BICC1: variants seen among roughly 807,000 people sequenced by gnomAD.
BICC1 encodes the protein BicC family RNA binding protein 1, also known as protein bicaudal C homolog 1.
Under a neutral mutation model 111.0 loss-of-function variants are expected in BICC1, and 43 were observed. The observed-to-expected ratio is 0.39, with a 90% CI of 0.30 to 0.50. The LOEUF (loss-of-function observed/expected upper bound fraction) is 0.50, where lower values mean the gene tolerates loss of function less well. Ranked by LOEUF, BICC1 falls within the 20% of genes least tolerant of loss-of-function variation. The pLI is 0.88. For synonymous variants in BICC1, 467 were observed against 434.4 expected (o/e 1.07, Z -0.93); for missense variants, 1,091 against 1,203.2 (o/e 0.91, Z 1.38).
At chr10:58,670,039 A>G (rs946956214) in intron 2 of BICC1, among the ~76,000 whole-genome samples, 4 of 152,184 alleles carry the variant, frequency 2.6e-5, no homozygotes, top group African/African-American at 9.6e-5. Flanking sequence ...CAGCTTGGTT[A>G]AAGTTTTTTT....
chr10:58,559,109 C>T (rs1051151766), intron 1 of BICC1, among the ~76,000 whole-genome samples: 1 of 151,754 alleles, frequency 6.6e-6, no homozygotes, highest in Non-Finnish European at 1.5e-5. Flanking sequence ...AATAACCACC[C>T]CCCCAGGACT....
intron 5 of BICC1, among the ~76,000 whole-genome samples, chr10:58,787,321 A>T (rs1843039445): frequency 6.6e-6 from 1 of 152,168 alleles, no homozygotes; most frequent in South Asian, 2.1e-4. Context: ...ATAGCGGAAG[A>T]TGTAATGGCC....
chr10:58,561,621 C>T (rs924273500), intron 1 of BICC1, among the ~76,000 whole-genome samples: 7 of 151,896 alleles, frequency 4.6e-5, no homozygotes, highest in African/African-American at 1.7e-4. Context: ...TTTTGTGTAT[C>T]ATTTGTTCTT....
At chr10:58,715,008 G>T (rs565670535) in intron 3 of BICC1, among the ~76,000 whole-genome samples, 2 of 151,848 alleles carry the variant, frequency 1.3e-5, no homozygotes, top group South Asian at 4.2e-4. Context: ...CCGGGAGGTG[G>T]AGTGAGCCAA....
intron 1 of BICC1, among the ~76,000 whole-genome samples, chr10:58,592,709 C>G (rs1274820492): frequency 6.8e-6 from 1 of 146,976 alleles, no homozygotes; most frequent in South Asian, 2.2e-4. Flanking sequence ...AGTGAGACTC[C>G]GTGTGAAAAA....
intron 1 of BICC1, among the ~76,000 whole-genome samples, chr10:58,515,128 T>C (rs1842207541): frequency 6.6e-6 from 1 of 152,254 alleles, no homozygotes; most frequent in Non-Finnish European, 1.5e-5. Context: ...AGGAGACTTT[T>C]TGAAAATTTG....
chr10:58,632,472 G>A (rs544753709), intron 2 of BICC1, among the ~76,000 whole-genome samples: 2 of 152,172 alleles, frequency 1.3e-5, no homozygotes, highest in Admixed American at 6.5e-5. Context: ...CCAGTGTGGC[G>A]AGAGCTTTAC....
At chr10:58,773,381 CAG>C (rs1842669466) in intron 3 of BICC1, among the ~76,000 whole-genome samples, 1 of 152,152 alleles carries the variant, frequency 6.6e-6, no homozygotes, top group African/African-American at 2.4e-5. Flanking sequence ...TGGCAGAAAA[CAG>C]AGTTAACTCC....
At chr10:58,685,420 C>T (rs1030427382) in intron 2 of BICC1, among the ~76,000 whole-genome samples, 1 of 152,142 alleles carries the variant, frequency 6.6e-6, no homozygotes, top group African/African-American at 2.4e-5. Flanking sequence ...CCTGAATATC[C>T]TTGTTAACTT....
chr10:58,609,899 C>G (rs1053421239), intron 1 of BICC1, among the ~76,000 whole-genome samples: 1 of 152,116 alleles, frequency 6.6e-6, no homozygotes, highest in African/African-American at 2.4e-5. Flanking sequence ...CCAAAGTCTT[C>G]AAATAGTGTT....
chr10:58,792,453 G>A (rs1229621907), intron 8 of BICC1, among the ~76,000 whole-genome samples: 1 of 152,180 alleles, frequency 6.6e-6, no homozygotes, highest in East Asian at 1.9e-4. Context: ...TGGTCTGTTA[G>A]GAACTAGGCC....
intron 3 of BICC1, among the ~76,000 whole-genome samples, chr10:58,707,487 G>C (rs1840420720): frequency 6.6e-6 from 1 of 151,514 alleles, no homozygotes; most frequent in Admixed American, 6.6e-5. Context: ...ACCCAACTAG[G>C]TTAAAAAAAA....
chr10:58,575,434 G>T (rs1844082728), intron 1 of BICC1, among the ~76,000 whole-genome samples: 1 of 152,116 alleles, frequency 6.6e-6, no homozygotes, highest in Non-Finnish European at 1.5e-5. Flanking sequence ...TATAGTCGAG[G>T]CAAACTGGGA....
At chr10:58,617,937 A>T (rs1054430784) in intron 1 of BICC1, among the ~76,000 whole-genome samples, 1 of 152,276 alleles carries the variant, frequency 6.6e-6, no homozygotes, top group African/African-American at 2.4e-5. Flanking sequence ...TAATGTCACC[A>T]TGGGGTGGTT....
intron 1 of BICC1, among the ~76,000 whole-genome samples, chr10:58,599,198 C>T (rs1395185857): frequency 1.3e-5 from 2 of 152,232 alleles, no homozygotes; most frequent in East Asian, 3.9e-4. Context: ...GACACATGCA[C>T]ACATATGTTT....
chr10:58,580,005 C>T (rs1421748814), intron 1 of BICC1, among the ~76,000 whole-genome samples: 1 of 148,414 alleles, frequency 6.7e-6, no homozygotes, highest in Non-Finnish European at 1.5e-5. Flanking sequence ...GAACACTTAA[C>T]AAGAAAGCTG....
At chr10:58,550,042 G>T (rs1325275888) in intron 1 of BICC1, among the ~76,000 whole-genome samples, 1 of 151,932 alleles carries the variant, frequency 6.6e-6, no homozygotes, top group African/African-American at 2.4e-5. Flanking sequence ...TGGAGACAGG[G>T]TCTTGCTCTA....
At chr10:58,572,681 G>A (rs1231287657) in intron 1 of BICC1, among the ~76,000 whole-genome samples, 1 of 152,054 alleles carries the variant, frequency 6.6e-6, no homozygotes, top group African/African-American at 2.4e-5. Context: ...CTATATCTAT[G>A]TCTACCTGTA....
chr10:58,791,632 CAA>C (rs1843180798), intron 8 of BICC1, among the ~76,000 whole-genome samples: 1 of 151,930 alleles, frequency 6.6e-6, no homozygotes, highest in Non-Finnish European at 1.5e-5. Context: ...CCCAGCTACT[CAA>C]GAGGCTGAGA....
Sources: allele counts gnomAD v4.1 joint callset (sites outside exome capture counted in the v4.1 genomes callset), GRCh38; gene constraint gnomAD v4.1.1; transcripts MANE v1.5; gene names NCBI Gene and HGNC (gene_info 2026-07-23, HGNC 2026-07-21).